Variants in SLC18A1 observed in about 807,000 individuals in gnomAD.
The protein encoded by SLC18A1 is solute carrier family 18 member A1.
A neutral mutation model predicts 53.7 loss-of-function variants in SLC18A1; 69 were observed. The ratio of observed to expected loss-of-function variants is 1.28; its 90% CI spans 1.06 to 1.57. SLC18A1 has a LOEUF of 1.57. Among genes scored for constraint, SLC18A1 ranks in the 40% most tolerant of loss-of-function variants. The probability of loss-of-function intolerance (pLI) is 0.00; values close to 1 mark genes in which losing one functional copy is unlikely to be tolerated. For missense variants in SLC18A1, 932 were observed against 668.1 expected (o/e 1.40, Z -4.35); for synonymous variants, 320 against 248.1 (o/e 1.29, Z -2.72).
In SLC18A1 at chr8:20,167,961, A is replaced by G. The variant is rs1435573266; in HGVS notation, c.859-2854T>C. Among the ~76,000 whole-genome samples, 3 of 151,962 alleles carry G rather than the reference A, an allele frequency of 2.0e-5. 1 individual carries two copies. Among genetic ancestry groups the G allele is most frequent in the Non-Finnish European group, 4.4e-5 (3 of 68,008 alleles). On this transcript the variant is annotated intron_variant, in intron 8 of 15. Coordinates refer to ENST00000276373, the MANE Select transcript of SLC18A1 (RefSeq NM_003053.4). ...TAAACACCATTCCCTACTAACAAGA[A>G]CCTGGGCTCCTTGGGGAAATGAATT...
intron 8 of SLC18A1, among the ~76,000 whole-genome samples, chr8:20,165,528 C>T (rs1585208773): frequency 6.6e-6 from 1 of 152,166 alleles, no homozygotes; most frequent in African/African-American, 2.4e-5. Context: ...AAAGCAAGCA[C>T]AGAAGCCATA....
intron 11 of SLC18A1, 120 bp from the exon 12 acceptor site, chr8:20,149,847 A>C (rs2071504396): frequency 2.4e-6 from 2 of 841,136 alleles, no homozygotes; most frequent in South Asian, 3.0e-5. Flanking sequence ...TTAGGACCTG[A>C]GGACAGCATC....
chr8:20,171,419 G>T lies in SLC18A1; in HGVS notation c.800C>A (p.Ala267Glu), dbSNP rs764729377. ...TGGTGACTTACCTCCATCCAGTAGT[G>T]CCAGGAAGGCCAGGATGAGGAAGGG... ...SAPFLILAFL[A>E]LLDGALQLCI... Residue 267 changes from alanine to glutamate, a missense_variant, in exon 7 of 16, where the codon GCA (alanine) becomes GAA (glutamate). Transcript: ENST00000276373. 2 of 1,613,688 alleles carry T rather than the reference G, an allele frequency of 1.2e-6. No individual in the cohort carries two copies. Among genetic ancestry groups the T allele is most frequent in the African/African-American group, 1.3e-5 (1 of 74,912 alleles).
Position 20,178,415 on chromosome 8 carries a change from A to T in SLC18A1, c.547+20T>A. The stretch of plus-strand genomic sequence containing the variant: ...AAAGGTAATCAGTGAAGGGAAGAAA[A>T]GAGGAAGCAAATTACTTACTAACTG... On this transcript the variant is annotated intron_variant, in intron 4 of 15. Coordinates refer to ENST00000276373, the MANE Select transcript of SLC18A1 (RefSeq NM_003053.4). The T allele has an allele frequency of 6.2e-7, 1 of 1,600,290 alleles. No homozygotes were observed. Among genetic ancestry groups the T allele is most frequent in the Non-Finnish European group, 8.5e-7 (1 of 1,171,282 alleles).
intron 12 of SLC18A1, chr8:20,148,328 G>A: frequency 3.1e-6 from 2 of 649,898 alleles, no homozygotes; most frequent in Non-Finnish European, 4.9e-6. Context: ...GATCAAGTTT[G>A]GACCTCAGAC....
chr8:20,175,751 C>G (rs1258818048), intron 4 of SLC18A1: 2 of 152,234 alleles, frequency 1.3e-5, no homozygotes, highest in East Asian at 1.9e-4. Flanking sequence ...ATCCCTTTGC[C>G]CATTCATTAC....
intron 15 of SLC18A1, among the ~76,000 whole-genome samples, chr8:20,146,822 CAAAA>C (rs10604873): frequency 2.1e-4 from 29 of 137,680 alleles, no homozygotes; most frequent in Non-Finnish European, 2.8e-4. Flanking sequence ...GAAACTCCAT[CAAAA>C]AAAAAAAAAA....
chr8:20,166,328 TATAC>T (rs199788812), intron 8 of SLC18A1, among the ~76,000 whole-genome samples: 2,856 of 90,126 alleles, frequency 0.032, 185 homozygotes, highest in East Asian at 0.21. Context: ...TATATATATA[TATAC>T]ACCACCAGGT....
rs1222137468 is a variant in SLC18A1, at chr8:20,147,866, T to C, written c.1210+141A>G. The C allele has an allele frequency of 6.9e-6, 10 of 1,441,722 alleles. No individual in the cohort carries two copies. In the South Asian group the frequency reaches 1.0e-4, roughly 15 times the overall value. The allele number at this position is 1,441,722 out of a possible 1,614,324, so 89.3% of individuals were successfully genotyped here. A position where few individuals can be genotyped will look rare whatever the true frequency, so the allele number is the denominator to read the frequency against. On this transcript the variant is annotated intron_variant, in intron 13 of 15. Transcript: ENST00000276373. Reference sequence around the variant, plus strand: ...GTTCCAGGTGGGAATTACGAGCTCATCTCTCCACAACCCTGCCAGCTGCCC... The same window carrying C: ...GTTCCAGGTGGGAATTACGAGCTCACCTCTCCACAACCCTGCCAGCTGCCC...
At chr8:20,150,549 T>C in intron 11 of SLC18A1, 117 bp downstream of exon 11, 2 of 890,952 alleles carry the variant, frequency 2.2e-6, no homozygotes. Context: ...TTTTTATCGG[T>C]GTGTACTCAT....
intron 15 of SLC18A1, 149 bp downstream of exon 15, chr8:20,147,109 A>G (rs2071420334): frequency 2.5e-6 from 2 of 791,530 alleles, no homozygotes; most frequent in East Asian, 5.6e-5. Flanking sequence ...AAATATGAAG[A>G]TGAAAGGGGA....
chr8:20,182,176 A>C (rs993286758), intron 1 of SLC18A1, among the ~76,000 whole-genome samples: 1 of 152,180 alleles, frequency 6.6e-6, no homozygotes, highest in Non-Finnish European at 1.5e-5. Context: ...TAAAAATTGT[A>C]TACTCTTTGA....
intron 10 of SLC18A1, among the ~76,000 whole-genome samples, chr8:20,160,783 G>A (rs1163546695): frequency 6.6e-6 from 1 of 152,110 alleles, no homozygotes; most frequent in Non-Finnish European, 1.5e-5. Flanking sequence ...GCTGGGAATC[G>A]CAAGTGCATG....
chr8:20,165,736 C>G (rs2071941929), intron 8 of SLC18A1, among the ~76,000 whole-genome samples: 1 of 152,148 alleles, frequency 6.6e-6, no homozygotes, highest in East Asian at 1.9e-4. Flanking sequence ...TCATTATTGC[C>G]TTTGCCTAAA....
intron 12 of SLC18A1, among the ~76,000 whole-genome samples, chr8:20,148,956 A>G (rs771622274): frequency 2.5e-4 from 38 of 152,114 alleles, no homozygotes; most frequent in Non-Finnish European, 4.9e-4. Flanking sequence ...GCACACGGAG[A>G]TGAAGTAACC....
Position 20,179,455 on chromosome 8 carries a change from T to C in SLC18A1, c.154A>G (p.Met52Val), listed in dbSNP as rs1327750961. ...GAAGAGTTGACTTCTTTGAACTCCA[T>C]GTCATATAGGAAGGTGGGCACAATT... Reference protein sequence around the residue: ...VPIVPTFLYDMEFKEVNSSLH... With the variant: ...VPIVPTFLYDVEFKEVNSSLH... The change falls in exon 3 of 16, where the codon ATG (methionine) becomes GTG (valine). Residue 52 changes from methionine (M) to valine (V), a missense_variant. Met to Val is a conservative substitution (Grantham distance 21). Transcript: ENST00000276373. 6.2e-7 allele frequency: 1 copy of C among 1,613,036 alleles called. No homozygotes were observed. The highest frequency in any genetic ancestry group is 8.5e-7 in the Non-Finnish European group (1 of 1,179,600).
intron 6 of SLC18A1, among the ~76,000 whole-genome samples, chr8:20,171,724 A>ATGTG (rs369186699): frequency 3.3e-5 from 5 of 149,556 alleles, no homozygotes; most frequent in Non-Finnish European, 7.4e-5. Flanking sequence ...GTGTGTATGT[A>ATGTG]TGTGTGTGTG....
intron 10 of SLC18A1, among the ~76,000 whole-genome samples, chr8:20,155,436 T>C (rs907082976): frequency 6.6e-6 from 1 of 152,090 alleles, no homozygotes; most frequent in African/African-American, 2.4e-5. Flanking sequence ...GATGGGAGCA[T>C]TGGTCTGCCT....
intron 10 of SLC18A1, among the ~76,000 whole-genome samples, chr8:20,160,727 G>C (rs905013489): frequency 7.9e-5 from 12 of 152,032 alleles, no homozygotes; most frequent in African/African-American, 2.9e-4. Flanking sequence ...CCACAGATTG[G>C]GTAATTCTTA....
Sources: gnomAD v4.1 joint callset for allele counts (sites outside exome capture counted in the v4.1 genomes callset) on GRCh38, gnomAD v4.1.1 for gene constraint, MANE v1.5 for transcripts, NCBI Gene and HGNC (gene_info 2026-07-23, HGNC 2026-07-21) for gene names.